Variants in SORCS2 observed in about 807,000 individuals in gnomAD.
SORCS2 encodes sortilin related VPS10 domain containing receptor 2, also known as VPS10 domain-containing receptor SorCS2.
In SORCS2, 100 loss-of-function variants were observed where a neutral mutation model predicts 141.6. The ratio of observed to expected loss-of-function variants is 0.71; its 90% CI spans 0.60 to 0.83. SORCS2 has a LOEUF of 0.83. Ranked by LOEUF, SORCS2 falls within the 40% of genes least tolerant of loss-of-function variation. The pLI, the probability that SORCS2 is intolerant of heterozygous loss-of-function variation, is 0.00. For synonymous variants in SORCS2, 789 were observed against 676.9 expected (o/e 1.17, Z -2.57); for missense variants, 1,646 against 1,560.2 (o/e 1.05, Z -0.93).
At chr4:7,722,020 A>G (rs1726619689) in intron 18 of SORCS2, among the ~76,000 whole-genome samples, 1 of 152,140 alleles carries the variant, frequency 6.6e-6, no homozygotes, top group Admixed American at 6.6e-5. Context: ...ATTTTATATT[A>G]TTTTCTACCT....
At chr4:7,600,421 C>T (rs1717581323) in intron 3 of SORCS2, among the ~76,000 whole-genome samples, 1 of 152,090 alleles carries the variant, frequency 6.6e-6, no homozygotes, top group African/African-American at 2.4e-5. Flanking sequence ...TCTGTGCAGC[C>T]TCAGAAACAG....
chr4:7,635,904 T>C (rs1364342015), intron 3 of SORCS2, among the ~76,000 whole-genome samples: 2 of 152,164 alleles, frequency 1.3e-5, no homozygotes, highest in Non-Finnish European at 2.9e-5. Context: ...AGCTGGGAAG[T>C]GCATGAAGCT....
intron 2 of SORCS2, among the ~76,000 whole-genome samples, chr4:7,475,682 CTCATGCAT>C (rs1172562208): frequency 1.3e-5 from 2 of 152,226 alleles, no homozygotes; most frequent in African/African-American, 4.8e-5. Context: ...CATACATGCA[CTCATGCAT>C]GTTCATGTTC....
chr4:7,469,920 A>G (rs1040378741), intron 2 of SORCS2, among the ~76,000 whole-genome samples: 1 of 152,212 alleles, frequency 6.6e-6, no homozygotes, highest in Non-Finnish European at 1.5e-5. Flanking sequence ...CAGGAAGACA[A>G]TTGTTATCAA....
intron 3 of SORCS2, among the ~76,000 whole-genome samples, chr4:7,602,940 C>T (rs905913121): frequency 1.3e-5 from 2 of 152,246 alleles, no homozygotes; most frequent in East Asian, 1.9e-4. Flanking sequence ...GCAGATCACT[C>T]GCGGTCAGGA....
At chr4:7,415,609 C>T (rs968804925) in intron 2 of SORCS2, among the ~76,000 whole-genome samples, 15 of 152,198 alleles carry the variant, frequency 9.9e-5, no homozygotes, top group African/African-American at 2.4e-4. Flanking sequence ...AATATGCTTG[C>T]GCTGTGAGCA....
rs73796615 is a variant in SORCS2 at position 7,298,718 on chromosome 4, G to A, written c.481-97570G>A. 3.0e-3 allele frequency among the ~76,000 whole-genome samples: 453 copies of A among 152,304 alleles called. 2 individuals carry two copies. The highest frequency in any genetic ancestry group is 0.01 in the African/African-American group (436 of 41,562). ...GCACTCCCGCCGTAGTATAGGGAGC[G>A]GGGCTCATGTCCATGCTAACCAAAG... is the stretch of plus-strand genomic sequence containing the variant. On this transcript the variant is annotated intron_variant, in intron 1 of 26. Transcript: ENST00000507866.
chr4:7,509,023 C>T (rs1211831417), intron 2 of SORCS2, among the ~76,000 whole-genome samples: 2 of 152,172 alleles, frequency 1.3e-5, no homozygotes, highest in Non-Finnish European at 2.9e-5. Flanking sequence ...GCTGCCTCGG[C>T]ACGGCGACCT....
Position 7,676,218 on chromosome 4 carries a change from G to C in SORCS2, c.1330G>C (p.Asp444His). The C allele has an allele frequency of 6.4e-7, 1 of 1,550,790 alleles. No homozygotes were observed. The highest frequency in any genetic ancestry group is 8.7e-7 in the Non-Finnish European group (1 of 1,147,020). ...GCAGGCGGAGGAGAGCGTGCTCATC[G>C]ACATCCTGGAGGTGGGTCCAGGGTG... ...SRQAEESVLI[D>H]ILEVRGVKGV... Residue 444 changes from aspartate to histidine, a missense_variant, in exon 9 of 27, where the codon GAC becomes CAC. Coordinates refer to ENST00000507866, the MANE Select transcript of SORCS2 (RefSeq NM_020777.3).
At chr4:7,586,327 C>A (rs558434651) in intron 3 of SORCS2, among the ~76,000 whole-genome samples, 2 of 152,134 alleles carry the variant, frequency 1.3e-5, no homozygotes, top group African/African-American at 4.8e-5. Flanking sequence ...GTTTTTTCTT[C>A]AACATTTATT....
chr4:7,375,593 G>A (rs140657104), intron 1 of SORCS2, among the ~76,000 whole-genome samples: 2 of 152,364 alleles, frequency 1.3e-5, no homozygotes, highest in East Asian at 3.9e-4. Context: ...TCGATTGCAT[G>A]GAGGAACATC....
chr4:7,288,895 C>G (rs539065160), intron 1 of SORCS2, among the ~76,000 whole-genome samples: 2 of 152,086 alleles, frequency 1.3e-5, no homozygotes, highest in East Asian at 1.9e-4. Context: ...CTCCAGGAAG[C>G]CTTCCTGTCT....
intron 4 of SORCS2, among the ~76,000 whole-genome samples, chr4:7,644,799 C>T (rs148257524): frequency 6.6e-6 from 1 of 152,364 alleles, no homozygotes; most frequent in Non-Finnish European, 1.5e-5. Context: ...TCCTCACTCA[C>T]CACCTCCACT....
intron 3 of SORCS2, among the ~76,000 whole-genome samples, chr4:7,624,998 T>C (rs1285381479): frequency 6.6e-6 from 1 of 152,250 alleles, no homozygotes; most frequent in African/African-American, 2.4e-5. Context: ...TGATGAGTTA[T>C]TTTATATGCT....
intron 2 of SORCS2, chr4:7,432,061 G>T (rs994127386): frequency 3.3e-5 from 5 of 152,476 alleles, no homozygotes; most frequent in African/African-American, 1.2e-4. Flanking sequence ...CTCCTGGAGG[G>T]GGCACAGTGT....
chr4:7,414,303 C>G (rs1725520055), intron 2 of SORCS2, among the ~76,000 whole-genome samples: 1 of 152,162 alleles, frequency 6.6e-6, no homozygotes, highest in African/African-American at 2.4e-5. Context: ...GAGCCCCGTC[C>G]TACCCCCGGG....
intron 3 of SORCS2, among the ~76,000 whole-genome samples, chr4:7,633,399 C>T (rs1202260645): frequency 6.6e-6 from 1 of 152,098 alleles, no homozygotes. Flanking sequence ...CCAGGTCTAC[C>T]AGTCAAATTT....
At chr4:7,691,519 C>G (rs1003308461) in intron 11 of SORCS2, among the ~76,000 whole-genome samples, 1 of 152,118 alleles carries the variant, frequency 6.6e-6, no homozygotes, top group Admixed American at 6.5e-5. Flanking sequence ...GGATTGTGAA[C>G]AAAGCCCTTC....
chr4:7,205,757 C>T (rs1447499561), intron 1 of SORCS2, among the ~76,000 whole-genome samples: 1 of 152,184 alleles, frequency 6.6e-6, no homozygotes, highest in African/African-American at 2.4e-5. Context: ...AAATAATGCC[C>T]TGAGGCCGGA....
Sources: allele counts gnomAD v4.1 joint callset (sites outside exome capture counted in the v4.1 genomes callset), GRCh38; gene constraint gnomAD v4.1.1; transcripts MANE v1.5; gene names NCBI Gene and HGNC (gene_info 2026-07-23, HGNC 2026-07-21).